Variants in CTNND2 observed in about 807,000 individuals in gnomAD.
CTNND2 encodes the protein catenin delta 2.
In CTNND2, 22 loss-of-function variants were observed where a neutral mutation model predicts 144.4. The observed-to-expected ratio is 0.15, with a 90% CI of 0.11 to 0.22. CTNND2 has a LOEUF of 0.22. Among genes scored for constraint, CTNND2 ranks in the 10% least tolerant of loss-of-function variants. CTNND2 has a pLI of 1.00. For synonymous variants in CTNND2, 751 were observed against 695.6 expected (o/e 1.08, Z -1.25); for missense variants, 1,353 against 1,618.8 (o/e 0.84, Z 2.82).
chr5:11,873,245 T>C (rs1379595471), intron 1 of CTNND2, among the ~76,000 whole-genome samples: 2 of 152,226 alleles, frequency 1.3e-5, no homozygotes, highest in African/African-American at 2.4e-5. Flanking sequence ...ACAGTGTTTA[T>C]GGCAGAGCAC....
chr5:11,487,600 G>A (rs894500371), intron 3 of CTNND2, among the ~76,000 whole-genome samples: 3 of 152,016 alleles, frequency 2.0e-5, no homozygotes, highest in African/African-American at 7.3e-5. Flanking sequence ...TACATTTCCA[G>A]GGACGCTGTG....
At chr5:11,028,199 A>G (rs187566225) in intron 16 of CTNND2, among the ~76,000 whole-genome samples, 14 of 152,302 alleles carry the variant, frequency 9.2e-5, no homozygotes, top group African/African-American at 2.4e-4. Flanking sequence ...TAGAGAAAAT[A>G]TATTTTTCCA....
At chr5:11,019,680 T>C (rs1463210585) in intron 17 of CTNND2, among the ~76,000 whole-genome samples, 1 of 152,226 alleles carries the variant, frequency 6.6e-6, no homozygotes, top group African/African-American at 2.4e-5. Flanking sequence ...GAAAAACTCT[T>C]CTAAATATTG....
Position 11,858,943 on chromosome 5 carries a change from T to A in CTNND2, c.37+44874A>T, listed in dbSNP as rs531334990. Among the ~76,000 whole-genome samples, 4 of 152,232 alleles carry A rather than the reference T, an allele frequency of 2.6e-5. No individual in the cohort carries two copies. The East Asian group carries it at 7.8e-4, about 30-fold the overall frequency. On this transcript the variant is annotated intron_variant, in intron 1 of 21. Transcript: ENST00000304623. The stretch of plus-strand genomic sequence containing the variant: ...GACTACGTCTCAAAAAAAGAGTAAG[T>A]AAGAATAAAACAACAATAAAACTAG...
At chr5:11,377,408 A>G (rs972049857) in intron 7 of CTNND2, among the ~76,000 whole-genome samples, 4 of 151,944 alleles carry the variant, frequency 2.6e-5, no homozygotes, top group Non-Finnish European at 5.9e-5. Context: ...CTGTACTTTT[A>G]TTTTTTGAGG....
At chr5:11,413,316 C>A (rs1215164646) in intron 3 of CTNND2, among the ~76,000 whole-genome samples, 2 of 151,946 alleles carry the variant, frequency 1.3e-5, no homozygotes, top group Non-Finnish European at 2.9e-5. Context: ...ATTATAAAAA[C>A]CTTTTAAAAA....
chr5:11,211,052 C>T (rs910920800), intron 10 of CTNND2, among the ~76,000 whole-genome samples: 10 of 152,156 alleles, frequency 6.6e-5, no homozygotes, highest in Non-Finnish European at 4.4e-5. Flanking sequence ...ATCCACTAAA[C>T]GGACAAGTTT....
intron 12 of CTNND2, among the ~76,000 whole-genome samples, chr5:11,153,237 G>A (rs192960028): frequency 1.1e-3 from 161 of 152,194 alleles, no homozygotes; most frequent in Middle Eastern, 0.01. Flanking sequence ...ACTCTAGCCT[G>A]GGCAACAGAG....
At chr5:11,123,426 A>T (rs1219263766) in intron 12 of CTNND2, among the ~76,000 whole-genome samples, 4 of 152,206 alleles carry the variant, frequency 2.6e-5, no homozygotes, top group Non-Finnish European at 5.9e-5. Context: ...TGGGGACATT[A>T]CAGGCATCTC....
At chr5:11,448,418 GA>G (rs1245602106) in intron 3 of CTNND2, among the ~76,000 whole-genome samples, 1 of 150,736 alleles carries the variant, frequency 6.6e-6, no homozygotes, top group Non-Finnish European at 1.5e-5. Context: ...CACAAGCCAA[GA>G]AAAAAACGAC....
chr5:11,129,005 A>G (rs10474911), intron 12 of CTNND2, among the ~76,000 whole-genome samples: 1 of 41,336 alleles, frequency 2.4e-5, no homozygotes, highest in South Asian at 6.7e-4. Context: ...TAATATATAA[A>G]TATATATTAT....
intron 2 of CTNND2, among the ~76,000 whole-genome samples, chr5:11,682,831 T>C (rs1784478868): frequency 1.3e-5 from 2 of 152,244 alleles, no homozygotes; most frequent in East Asian, 1.9e-4. Flanking sequence ...GCTGTTCTGA[T>C]AGGATGAAAA....
At chr5:11,060,105 T>C in intron 16 of CTNND2, among the ~76,000 whole-genome samples, 1 of 152,012 alleles carries the variant, frequency 6.6e-6, no homozygotes, top group East Asian at 1.9e-4. Context: ...TTTGACAGAG[T>C]CTCCTGCCAA....
At position 11,353,538 on chromosome 5, in the gene CTNND2, C is replaced by T. The variant is rs1053828288; in HGVS notation, c.1373-6911G>A. On this transcript the variant is annotated intron_variant, in intron 8 of 21. Coordinates refer to ENST00000304623, the MANE Select transcript of CTNND2 (RefSeq NM_001332.4). ...ATATTCCTAGGGCTGGGTGCAGTGG[C>T]TCACGCCTGTAATTCCAGCACTTTG... Among the ~76,000 whole-genome samples, 20 of 152,314 alleles carry T rather than the reference C, an allele frequency of 1.3e-4. No homozygotes were observed. In the South Asian group the frequency reaches 1.4e-3, roughly 11 times the overall value.
At chr5:11,346,832 T>C (rs748524107) in intron 8 of CTNND2, among the ~76,000 whole-genome samples, 2 of 152,140 alleles carry the variant, frequency 1.3e-5, no homozygotes, top group Non-Finnish European at 2.9e-5. Context: ...GAGACAAACC[T>C]TTCAGGTATG....
intron 6 of CTNND2, among the ~76,000 whole-genome samples, chr5:11,390,681 C>T (rs1759551930): frequency 6.6e-6 from 1 of 152,178 alleles, no homozygotes; most frequent in Non-Finnish European, 1.5e-5. Flanking sequence ...GGCCTATTTG[C>T]CCAGGATGCT....
chr5:11,730,310 T>C (rs1342455716), intron 2 of CTNND2, among the ~76,000 whole-genome samples: 1 of 152,210 alleles, frequency 6.6e-6, no homozygotes, highest in Non-Finnish European at 1.5e-5. Flanking sequence ...TTTTTTTCCC[T>C]GTGAGATTTA....
At chr5:11,648,770 C>T (rs1452198723) in intron 2 of CTNND2, among the ~76,000 whole-genome samples, 1 of 152,082 alleles carries the variant, frequency 6.6e-6, no homozygotes, top group African/African-American at 2.4e-5. Context: ...CCATGACACT[C>T]AATAGACTTT....
At chr5:11,765,899 A>G (rs1452114700) in intron 1 of CTNND2, among the ~76,000 whole-genome samples, 1 of 152,222 alleles carries the variant, frequency 6.6e-6, no homozygotes, top group Non-Finnish European at 1.5e-5. Context: ...ATCAGAATAG[A>G]TCTGTTATAC....
Sources: gnomAD v4.1 joint callset for allele counts (sites outside exome capture counted in the v4.1 genomes callset) on GRCh38, gnomAD v4.1.1 for gene constraint, MANE v1.5 for transcripts, NCBI Gene and HGNC (gene_info 2026-07-23, HGNC 2026-07-21) for gene names.